The following SPIDR variants were observed in gnomAD, a reference collection of about 807,000 sequenced individuals.
The protein encoded by SPIDR is scaffold protein involved in DNA repair.
A neutral mutation model predicts 104.6 loss-of-function variants in SPIDR; 93 were observed. The ratio of observed to expected loss-of-function variants is 0.89; its 90% confidence interval spans 0.75 to 1.06. The LOEUF (loss-of-function observed/expected upper bound fraction) is 1.06. Among genes scored for constraint, SPIDR ranks in the 50% least tolerant of loss-of-function variants. The pLI is 0.00. For synonymous variants in SPIDR, 431 were observed against 416.9 expected, an observed-to-expected ratio of 1.03 and a Z score of -0.41; for missense variants, 1,154 against 1,111.2, an observed-to-expected ratio of 1.04 and a Z score of -0.55.
chr8:47,532,132 G>A (rs2086127660), intron 8 of SPIDR, among the ~76,000 whole-genome samples: 1 of 148,080 alleles, frequency 6.8e-6, no homozygotes, highest in African/African-American at 2.5e-5. Context: ...ATGCAATGGC[G>A]CGATCTCGGC....
At chr8:47,312,240 T>C (rs1311734362) in intron 5 of SPIDR, among the ~76,000 whole-genome samples, 1 of 152,158 alleles carries the variant, frequency 6.6e-6, no homozygotes, top group Non-Finnish European at 1.5e-5. Flanking sequence ...TACCCAGTAA[T>C]GGGATGGCTG....
At chr8:47,673,566 T>C (rs933239405) in intron 10 of SPIDR, 13 of 579,478 alleles carry the variant, frequency 2.2e-5, no homozygotes, top group African/African-American at 1.7e-4. Context: ...CATGAACACA[T>C]ACAGAAAGGA....
intron 10 of SPIDR, among the ~76,000 whole-genome samples, chr8:47,668,243 A>G (rs1315053217): frequency 6.6e-6 from 1 of 152,204 alleles, no homozygotes; most frequent in Non-Finnish European, 1.5e-5. Flanking sequence ...CAAATGTAGT[A>G]TGAAAAATAA....
At chr8:47,673,652 T>C (rs531717511) in intron 10 of SPIDR, 149 bp from the exon 11 acceptor site, 215 of 1,029,428 alleles carry the variant, frequency 2.1e-4, no homozygotes, top group Middle Eastern at 3.1e-4. Flanking sequence ...CTTTTTTTTT[T>C]CCCCCCTTGG....
intron 10 of SPIDR, among the ~76,000 whole-genome samples, chr8:47,616,806 G>A (rs896843337): frequency 2.2e-4 from 33 of 152,250 alleles, no homozygotes; most frequent in South Asian, 2.1e-4. Context: ...TAATTAAGCA[G>A]TATTGTCACA....
intron 6 of SPIDR, among the ~76,000 whole-genome samples, chr8:47,403,491 A>G (rs569943113): frequency 2.0e-5 from 3 of 152,348 alleles, no homozygotes; most frequent in East Asian, 1.9e-4. Context: ...TAAGCTGATA[A>G]GCAAATTCAG....
intron 8 of SPIDR, among the ~76,000 whole-genome samples, chr8:47,562,716 C>T (rs923765574): frequency 4.6e-5 from 7 of 152,150 alleles, no homozygotes; most frequent in Admixed American, 4.6e-4. Context: ...TAGCTTTCCC[C>T]ATTTGTGAAT....
Position 47,391,399 on chromosome 8 carries a change from G to A in SPIDR, c.526-4977G>A, listed in dbSNP as rs147562066. ...CAAAAAAAAATTTAAAAATAGCCAG[G>A]TATGGTGGCACACATCTGTAGCTTC... is the stretch of plus-strand genomic sequence containing the variant. On this transcript the variant is annotated intron_variant, in intron 5 of 19. Coordinates refer to ENST00000297423, the MANE Select transcript of SPIDR (RefSeq NM_001080394.4). 3.8e-3 allele frequency among the ~76,000 whole-genome samples: 580 copies of A among 152,008 alleles called. 6 individuals carry two copies. The highest frequency in any genetic ancestry group is 0.014 in the African/African-American group (560 of 41,428).
chr8:47,671,384 A>G (rs1243216666), intron 10 of SPIDR, among the ~76,000 whole-genome samples: 1 of 152,092 alleles, frequency 6.6e-6, no homozygotes, highest in Non-Finnish European at 1.5e-5. Context: ...CAGGAATTCG[A>G]GACCAGCCTG....
At chr8:47,454,567 T>A (rs1199287112) in intron 8 of SPIDR, among the ~76,000 whole-genome samples, 1 of 152,048 alleles carries the variant, frequency 6.6e-6, no homozygotes, top group Non-Finnish European at 1.5e-5. Flanking sequence ...CACACCAACA[T>A]GGCACATGTG....
At chr8:47,658,790 G>A (rs943323237) in intron 10 of SPIDR, among the ~76,000 whole-genome samples, 1 of 151,442 alleles carries the variant, frequency 6.6e-6, no homozygotes, top group Non-Finnish European at 1.5e-5. Context: ...CAAAAAATTA[G>A]CAGGGCGTGG....
intron 16 of SPIDR, among the ~76,000 whole-genome samples, chr8:47,726,923 G>A (rs980884551): frequency 2.6e-5 from 4 of 152,138 alleles, no homozygotes; most frequent in Non-Finnish European, 5.9e-5. Flanking sequence ...GCTCAGCTGT[G>A]GCGATGTAAC....
intron 8 of SPIDR, among the ~76,000 whole-genome samples, chr8:47,455,321 G>C (rs1486116392): frequency 6.6e-6 from 1 of 151,974 alleles, no homozygotes; most frequent in Non-Finnish European, 1.5e-5. Context: ...TGTTATTTAA[G>C]ATATTGATTG....
At chr8:47,476,246 A>G (rs2154359793) in intron 8 of SPIDR, among the ~76,000 whole-genome samples, 1 of 152,296 alleles carries the variant, frequency 6.6e-6, no homozygotes, top group East Asian at 1.9e-4. Context: ...AACAGGGTTC[A>G]GCTACTGGAG....
At chr8:47,467,799 G>C (rs1247300010) in intron 8 of SPIDR, among the ~76,000 whole-genome samples, 3 of 152,156 alleles carry the variant, frequency 2.0e-5, no homozygotes, top group Non-Finnish European at 4.4e-5. Flanking sequence ...ACCAGCCCAA[G>C]ACAAGGATGC....
chr8:47,589,134 G>A (rs1051814497), intron 8 of SPIDR, among the ~76,000 whole-genome samples: 2 of 148,606 alleles, frequency 1.3e-5, no homozygotes, highest in East Asian at 2.0e-4. Flanking sequence ...AGAAGACAGT[G>A]TGTAGAATTG....
chr8:47,595,443 C>T (rs2061535221), intron 8 of SPIDR, among the ~76,000 whole-genome samples: 1 of 152,158 alleles, frequency 6.6e-6, no homozygotes, highest in Non-Finnish European at 1.5e-5. Flanking sequence ...ATCAAAATTT[C>T]TGAAGGTTTT....
intron 1 of SPIDR, among the ~76,000 whole-genome samples, chr8:47,275,953 C>T (rs2036342613): frequency 2.0e-5 from 3 of 152,248 alleles, no homozygotes; most frequent in East Asian, 3.9e-4. Context: ...GTCTCCTGTG[C>T]TCAAGCAATC....
chr8:47,290,987 A>G, intron 3 of SPIDR, 46 bp from the exon 4 acceptor site: 1 of 1,378,342 alleles, frequency 7.3e-7, no homozygotes, highest in African/African-American at 1.4e-5. Context: ...CTGATAAATG[A>G]CCATATAAGG....
Sources: gnomAD v4.1 joint callset for allele counts (sites outside exome capture counted in the v4.1 genomes callset) on GRCh38, gnomAD v4.1.1 for gene constraint, MANE v1.5 for transcripts, NCBI Gene and HGNC (gene_info 2026-07-23, HGNC 2026-07-21) for gene names.